The following BDNF variants were observed in gnomAD, a reference collection of about 807,000 sequenced individuals.
BDNF encodes neurotrophic factor BDNF precursor form.
In BDNF, 1 loss-of-function variant was observed where a neutral mutation model predicts 19.5. The observed-to-expected ratio is 0.05, with a 90% CI of 0.02 to 0.24. The LOEUF (loss-of-function observed/expected upper bound fraction) is 0.24, where lower values mean the gene tolerates loss of function less well. BDNF is among the 10% of genes least tolerant of loss of function. The pLI, the probability that BDNF is intolerant of heterozygous loss-of-function variation, is 1.00. For synonymous variants in BDNF, 100 were observed against 121.6 expected (o/e 0.82, Z 1.17); for missense variants, 195 against 317.6 (o/e 0.61, Z 2.93).
At chr11:27,701,060 G>A (rs372515713), upstream of BDNF, 6 of 1,349,254 alleles carry the variant, frequency 4.4e-6, no homozygotes, top group East Asian at 9.5e-5. Context: ...TTACTCTGCT[G>A]CCTTAAACAC....
chr11:27,658,549 G>T lies in BDNF; in HGVS notation c.16C>A (p.Leu6Ile), dbSNP rs1184013173. 1.9e-6 allele frequency: 3 copies of T among 1,614,134 alleles called. No homozygotes were observed. The South Asian group carries it at 3.3e-5, about 18-fold the overall frequency. Residue 6 changes from leucine to isoleucine, a missense_variant, in exon 2 of 2, where the codon CTT becomes ATT. Leu to Ile is a conservative substitution (Grantham distance 5). Around this residue, in one of 2 missense-constraint regions of BDNF, gnomAD observed 124 missense variants for 155.0 expected, o/e 0.80. Coordinates refer to ENST00000356660, the MANE Select transcript of BDNF (RefSeq NM_001709.5). The surrounding 1 kb of genome is among the most constrained non-coding windows in gnomAD (Gnocchi z 5.7). The stretch of plus-strand genomic sequence containing the variant: ...CCAAAGTATGAAATAACCATAGTAA[G>T]GAAAAGGATGGTCATCACTCTTCTC... MTILF[L>I]TMVISYFGCM...
chr11:27,690,837 A>G (rs1038497146), intron 1 of BDNF, among the ~76,000 whole-genome samples: 1 of 152,176 alleles, frequency 6.6e-6, no homozygotes, highest in African/African-American at 2.4e-5. Flanking sequence ...ACAATTTATA[A>G]ATACTGTCAA....
intron 1 of BDNF, among the ~76,000 whole-genome samples, chr11:27,671,803 TC>T (rs1664202110): frequency 6.6e-6 from 1 of 152,080 alleles, no homozygotes; most frequent in African/African-American, 2.4e-5. Flanking sequence ...CCACCCTCAT[TC>T]CACCTACCCC....
At chr11:27,706,209 G>A (rs1860104624) in intron 1 of BDNF, among the ~76,000 whole-genome samples, 1 of 152,214 alleles carries the variant, frequency 6.6e-6, no homozygotes, top group Non-Finnish European at 1.5e-5. Context: ...AGTGGATAGG[G>A]TGAGAGGGAG....
chr11:27,666,745 G>C (rs1167524203), intron 1 of BDNF, among the ~76,000 whole-genome samples: 4 of 152,128 alleles, frequency 2.6e-5, no homozygotes, highest in African/African-American at 9.7e-5. Flanking sequence ...AATGAACAAA[G>C]CCTCCAAGAA....
At chr11:27,664,082 T>C (rs1448918834) in intron 1 of BDNF, among the ~76,000 whole-genome samples, 2 of 152,006 alleles carry the variant, frequency 1.3e-5, no homozygotes, top group East Asian at 3.9e-4. Context: ...GTTTTACCTG[T>C]GAGCGTGTAA....
intron 1 of BDNF, chr11:27,674,340 T>C: frequency 6.5e-7 from 1 of 1,541,656 alleles, no homozygotes; most frequent in Non-Finnish European, 8.8e-7. Flanking sequence ...TTTAATTACT[T>C]AACTGTAAAG....
At chr11:27,697,205 G>A (rs1859192226) in intron 1 of BDNF, among the ~76,000 whole-genome samples, 1 of 135,516 alleles carries the variant, frequency 7.4e-6, no homozygotes. Context: ...AGCACCCCAG[G>A]TTTTAGAAGA....
intron 1 of BDNF, among the ~76,000 whole-genome samples, chr11:27,710,380 C>T (rs925841420): frequency 1.1e-4 from 17 of 152,216 alleles, no homozygotes; most frequent in Admixed American, 1.1e-3. Flanking sequence ...ATATGCTACT[C>T]CCTTACCCAG....
chr11:27,720,243 C>G, intron 1 of BDNF: 49 of 813,930 alleles, frequency 6.0e-5, no homozygotes, highest in Non-Finnish European at 6.4e-5. Context: ...CCCTCTCATG[C>G]TCTCCCTCTA....
At position 27,681,638 on chromosome 11, in the gene BDNF, G is replaced by C. The variant is rs533274587; in HGVS notation, c.-22+18526C>G. ...AGAGAATTACAACAAAACAGTTTTA[G>C]TCTTGTAAACTTTGCTATAAAGTGA... On this transcript the variant is annotated intron_variant, in intron 1 of 1. Coordinates refer to ENST00000356660, the MANE Select transcript of BDNF (RefSeq NM_001709.5). Among the ~76,000 whole-genome samples the C allele has an allele frequency of 1.1e-4, 17 of 152,208 alleles. No homozygotes were observed. In the South Asian group the frequency reaches 3.5e-3, roughly 32 times the overall value.
At chr11:27,701,863 G>C (rs1272814988), upstream of BDNF, among the ~76,000 whole-genome samples, 1 of 152,066 alleles carries the variant, frequency 6.6e-6, no homozygotes, top group African/African-American at 2.4e-5. Flanking sequence ...TTTTAATAAC[G>C]AACCAGGGCA....
At chr11:27,676,472 T>C (rs1267327748) in intron 1 of BDNF, among the ~76,000 whole-genome samples, 1 of 152,088 alleles carries the variant, frequency 6.6e-6, no homozygotes, top group Non-Finnish European at 1.5e-5. Flanking sequence ...ACCTTTCTAA[T>C]GAGAATGGTA....
At chr11:27,664,198 A>G (rs1853932178) in intron 1 of BDNF, among the ~76,000 whole-genome samples, 1 of 152,198 alleles carries the variant, frequency 6.6e-6, no homozygotes, top group Admixed American at 6.5e-5. Context: ...AACATATATG[A>G]TACAAACTAT....
chr11:27,710,803 CCAAA>C (rs1483339246), intron 1 of BDNF, among the ~76,000 whole-genome samples: 1 of 152,156 alleles, frequency 6.6e-6, no homozygotes, highest in Admixed American at 6.5e-5. Context: ...AAATCCTAAT[CCAAA>C]CAATTTATAA....
At chr11:27,713,912 TG>T (rs1223741739) in intron 1 of BDNF, among the ~76,000 whole-genome samples, 1 of 152,248 alleles carries the variant, frequency 6.6e-6, no homozygotes, top group Admixed American at 6.5e-5. Context: ...ACTAAACTGC[TG>T]GTTTTTAGAC....
upstream of BDNF, among the ~76,000 whole-genome samples, chr11:27,704,129 A>G (rs1860019368): frequency 6.6e-6 from 1 of 152,212 alleles, no homozygotes; most frequent in African/African-American, 2.4e-5. Flanking sequence ...CATAATTGAT[A>G]TGTTAGGAGC....
chr11:27,677,829 T>C (rs996096780), intron 1 of BDNF: 7 of 152,262 alleles, frequency 4.6e-5, no homozygotes, highest in African/African-American at 1.7e-4. Flanking sequence ...GGCTTTACTT[T>C]TGACACAAGA....
intron 1 of BDNF, among the ~76,000 whole-genome samples, chr11:27,689,699 T>G (rs2134010394): frequency 6.6e-6 from 1 of 152,294 alleles, no homozygotes. Flanking sequence ...TTATTTTATT[T>G]TATTATTATT....
Sources: gnomAD v4.1 joint callset for allele counts (sites outside exome capture counted in the v4.1 genomes callset) on GRCh38, gnomAD v4.1.1 for gene constraint, gnomAD v4.1.1 regional missense constraint, Gnocchi (gnomAD v3.1) non-coding constraint, MANE v1.5 for transcripts, NCBI Gene and HGNC (gene_info 2026-07-23, HGNC 2026-07-21) for gene names.